Variants in MYO1G observed in about 807,000 individuals in gnomAD.
The protein encoded by MYO1G is myosin IG, also known as unconventional myosin-Ig.
MYO1G carries 65 observed loss-of-function variants against 115.3 expected under a neutral mutation model. The observed-to-expected ratio is 0.56, with a 90% CI of 0.46 to 0.69. The LOEUF (loss-of-function observed/expected upper bound fraction) is 0.69, where lower values mean the gene tolerates loss of function less well. MYO1G is among the 30% of genes least tolerant of loss of function. MYO1G has a pLI of 0.00. For synonymous variants in MYO1G, 510 were observed against 552.6 expected, an observed-to-expected ratio of 0.92 and a Z score of 1.08; for missense variants, 1,204 against 1,393.5, an observed-to-expected ratio of 0.86 and a Z score of 2.16.
Position 44,970,138 on chromosome 7 carries a change from T to G in MYO1G, c.1234A>C (p.Ile412Leu). Residue 412 changes from isoleucine (I) to leucine (L), a missense_variant, in exon 10 of 22, where the codon ATC becomes CTC. Coordinates refer to ENST00000258787, the MANE Select transcript of MYO1G (RefSeq NM_033054.3). ...FPVNSFEQFC[I>L]NYCNEKLQQL... ...TGCAGCTTCTCGTTGCAGTAGTTGA[T>G]GCAGAACTGCTCGAAACTGGGGGTG... is the stretch of plus-strand genomic sequence containing the variant. 4 of 1,613,752 alleles carry G rather than the reference T, an allele frequency of 2.5e-6. No homozygotes were observed. The highest frequency in any genetic ancestry group is 3.4e-6 in the Non-Finnish European group (4 of 1,179,804).
rs781571482 is a variant in MYO1G, at chr7:44,963,727, T to C, written c.2745+322A>G. ...CCACAGGAGGCCCAGAACATTGTGG[T>C]GGGTACTCAGGTCCCAGAATGCCCA... On this transcript the variant is annotated intron_variant, in intron 20 of 21. Transcript: ENST00000258787. This position sits in a 1 kb window ranked among gnomAD's most constrained non-coding sequence, Gnocchi z 4.1. 9 of 350,404 alleles carry C rather than the reference T, an allele frequency of 2.6e-5. No individual in the cohort carries two copies. Among genetic ancestry groups the C allele is most frequent in the Non-Finnish European group, 4.3e-5 (8 of 188,098 alleles). 21.7% of individuals were successfully genotyped at this position (350,404 alleles called of 1,614,324 possible).
rs2128700636 is a variant in MYO1G at position 44,962,753 on chromosome 7, A to G, written c.3043T>C (p.Trp1015Arg). 6.8e-7 allele frequency: 1 copy of G among 1,470,790 alleles called. No homozygotes were observed. Among genetic ancestry groups the G allele is most frequent in the South Asian group, 1.4e-5 (1 of 72,036 alleles). 91.1% of individuals were successfully genotyped at this position (1,470,790 alleles called of 1,614,324 possible). ...GGTGCGGGCGCTCAGCGGCTGGGCC[A>G]GAGCAGGGTGAAGGAGCCGCGAGCG... ...RCARGSFTLL[W>R]PSR Residue 1015 changes from tryptophan to arginine, a missense_variant, in exon 22 of 22, where the codon TGG becomes CGG. By Grantham distance (101) the Trp-to-Arg change is moderately radical. Coordinates refer to ENST00000258787, the MANE Select transcript of MYO1G (RefSeq NM_033054.3). The surrounding 1 kb of genome is among the most constrained non-coding windows in gnomAD (Gnocchi z 5.3).
At position 44,969,914 on chromosome 7, in the gene MYO1G, T is replaced by C. The variant is rs1298804391; in HGVS notation, c.1333-39A>G. ...AGCCAGCAAGGAAGCTCCCAAGGTC[T>C]TTCAGGCCACCTCCCCTCCTCCGCC... On this transcript the variant is annotated intron_variant, in intron 10 of 21. Transcript: ENST00000258787. This position sits in a 1 kb window ranked among gnomAD's most constrained non-coding sequence, Gnocchi z 5.0. The C allele has an allele frequency of 1.3e-6, 2 of 1,587,570 alleles. No homozygotes were observed. The highest frequency in any genetic ancestry group is 1.7e-6 in the Non-Finnish European group (2 of 1,165,600).
rs1264701312 is a variant in MYO1G, at chr7:44,976,551, C to A, written c.398+13G>T. The A allele has an allele frequency of 6.2e-7, 1 of 1,612,750 alleles. No individual in the cohort carries two copies. The highest frequency in any genetic ancestry group is 1.1e-5 in the South Asian group (1 of 91,056). On this transcript the variant is annotated intron_variant, in intron 3 of 21. Coordinates refer to ENST00000258787, the MANE Select transcript of MYO1G (RefSeq NM_033054.3). ...TGCCATGCTGAGGCCCAGAGCTGCC[C>A]ATTGCCACTCACCTCTCCACCTCAG... is the stretch of plus-strand genomic sequence containing the variant.
Position 44,963,245 on chromosome 7 carries a change from C to T in MYO1G, c.2746-121G>A. 4 of 1,232,022 alleles carry T rather than the reference C, an allele frequency of 3.2e-6. No individual in the cohort carries two copies. Among genetic ancestry groups the T allele is most frequent in the Non-Finnish European group, 4.3e-6 (4 of 940,178 alleles). 76.3% of individuals were successfully genotyped at this position (1,232,022 alleles called of 1,614,324 possible). On this transcript the variant is annotated intron_variant, in intron 20 of 21. Coordinates refer to ENST00000258787, the MANE Select transcript of MYO1G (RefSeq NM_033054.3). This position sits in a 1 kb window ranked among gnomAD's most constrained non-coding sequence, Gnocchi z 4.1. Reference sequence around the variant, plus strand: ...AACCGCACCCGGGGAGCGCCGCCCTCGCCAGGGCCACCAGCCCCCCACCGC... The same window carrying T: ...AACCGCACCCGGGGAGCGCCGCCCTTGCCAGGGCCACCAGCCCCCCACCGC...
rs552486478 is a variant in MYO1G at position 44,967,771 on chromosome 7, T to C, written c.1650-34A>G. The C allele has an allele frequency of 2.0e-5, 32 of 1,612,456 alleles. 1 individual carries two copies. In the East Asian group the frequency reaches 6.9e-4, roughly 35 times the overall value. On this transcript the variant is annotated intron_variant, in intron 13 of 21. Coordinates refer to ENST00000258787, the MANE Select transcript of MYO1G (RefSeq NM_033054.3). ...ACAGGCCGAATTCCCAGCCATCCTCTGGGAGAGCAGCCCCACCCACCCACG... is the reference window on the plus strand; with the variant it reads ...ACAGGCCGAATTCCCAGCCATCCTCCGGGAGAGCAGCCCCACCCACCCACG...
Position 44,976,894 on chromosome 7 carries a change from G to C in MYO1G, c.273C>G (p.His91Gln). Residue 91 changes from histidine (H) to glutamine (Q), a missense_variant, in exon 2 of 22, where the codon CAC (histidine) becomes CAG (glutamine). By Grantham distance (24) the His-to-Gln change is conservative (BLOSUM62 0). Transcript: ENST00000258787. ...TGACGATGCAGGTGTCCCTGGACCG[G>C]TGCTTCATTGCCTTGTAGGCGGCGT... ...VANAAYKAMK[H>Q]RSRDTCIVIS... is the part of the protein sequence containing the mutation. 6.2e-7 allele frequency: 1 copy of C among 1,613,530 alleles called. No homozygotes were observed. The highest frequency in any genetic ancestry group is 8.5e-7 in the Non-Finnish European group (1 of 1,180,030).
rs1345130239 is a variant in MYO1G, at chr7:44,975,587, T to C, written c.461A>G (p.Asn154Ser). ...AAAGCGGCTGGAGTTGTGATTGCGGTTGGTGCGGGCATTGCCAAAGGCCTC... is the reference window on the plus strand; with the variant it reads ...AAAGCGGCTGGAGTTGTGATTGCGGCTGGTGCGGGCATTGCCAAAGGCCTC... Reference protein sequence around the residue: ...VLEAFGNARTNRNHNSSRFGK... With the variant: ...VLEAFGNARTSRNHNSSRFGK... The change falls in exon 4 of 22, where the codon AAC (asparagine) becomes AGC (serine). Residue 154 changes from asparagine (N) to serine (S), a missense_variant. Transcript: ENST00000258787. The C allele has an allele frequency of 6.2e-7, 1 of 1,614,014 alleles. No individual in the cohort carries two copies.
chr7:44,965,041 G>C lies in MYO1G; in HGVS notation c.2430C>G (p.Pro810=), dbSNP rs778361161. 3 of 1,611,370 alleles carry C rather than the reference G, an allele frequency of 1.9e-6. No individual in the cohort carries two copies. In the East Asian group the frequency reaches 6.7e-5, roughly 36 times the overall value. ...LVKNIPPSDM[P]QIKAKVAAMG... ...TGGCGGCCACCTTGGCCTTGATCTG[G>C]GGCATGTCTGAAGGGGGGATGTTCT... is the stretch of plus-strand genomic sequence containing the variant. The change falls in exon 18 of 22, where the codon CCC becomes CCG. Residue 810 remains proline, a synonymous_variant. Coordinates refer to ENST00000258787, the MANE Select transcript of MYO1G (RefSeq NM_033054.3).
At position 44,970,717 on chromosome 7, in the gene MYO1G, A is replaced by T; in HGVS notation, c.1092T>A (p.Phe364Leu). Reference protein sequence around the residue: ...ACAKAVYQRLFEWVVNRINSV... With the variant: ...ACAKAVYQRLLEWVVNRINSV... ...TGTTGATCCTGTTCACCACCCACTC[A>T]AACAGCCGCTGGTACACTGCCTGGG... The change falls in exon 9 of 22, where the codon TTT (phenylalanine) becomes TTA (leucine). Residue 364 changes from phenylalanine (F) to leucine (L), a missense_variant. Physicochemically the swap from Phe to Leu is conservative, Grantham distance 22. Transcript: ENST00000258787. 6.2e-7 allele frequency: 1 copy of T among 1,613,858 alleles called. No individual in the cohort carries two copies. The highest frequency in any genetic ancestry group is 8.5e-7 in the Non-Finnish European group (1 of 1,179,996).
Position 44,969,951 on chromosome 7 carries a change from C to T in MYO1G, c.1333-76G>A. On this transcript the variant is annotated intron_variant, in intron 10 of 21. Coordinates refer to ENST00000258787, the MANE Select transcript of MYO1G (RefSeq NM_033054.3). This position sits in a 1 kb window ranked among gnomAD's most constrained non-coding sequence, Gnocchi z 5.0. ...TCCCCTCCTCCGCCCCACACTCAGC[C>T]ACCTGTCAGGCCAGCCCGGGCCCCT... 3.1e-6 allele frequency: 5 copies of T among 1,589,042 alleles called. No homozygotes were observed. Among genetic ancestry groups the T allele is most frequent in the Non-Finnish European group, 3.4e-6 (4 of 1,165,606 alleles).
At chr7:44,970,485 G>A (rs902725357) in intron 9 of MYO1G, 107 bp downstream of exon 9, 6 of 1,471,700 alleles carry the variant, frequency 4.1e-6, no homozygotes, top group African/African-American at 1.4e-5. Flanking sequence ...GACCAGCCGG[G>A]AGAAACCCCA....
chr7:44,962,928 C>T lies in MYO1G; in HGVS notation c.2901-33G>A. The T allele has an allele frequency of 6.7e-7, 1 of 1,500,820 alleles. No individual in the cohort carries two copies. Among genetic ancestry groups the T allele is most frequent in the Non-Finnish European group, 8.9e-7 (1 of 1,127,954 alleles). The allele number at this position is 1,500,820 out of a possible 1,614,324, so 93.0% of individuals were successfully genotyped here. Reference sequence around the variant, plus strand: ...AGGAGGAGGGGTCAGGGCGGCCACGCGGCCGGGGCTTCGTGCCCGCTACCG... The same window carrying T: ...AGGAGGAGGGGTCAGGGCGGCCACGTGGCCGGGGCTTCGTGCCCGCTACCG... On this transcript the variant is annotated intron_variant, in intron 21 of 21. Transcript: ENST00000258787. This position sits in a 1 kb window ranked among gnomAD's most constrained non-coding sequence, Gnocchi z 5.3.
At position 44,965,037 on chromosome 7, in the gene MYO1G, T is replaced by A; in HGVS notation, c.2434A>T (p.Ile812Phe). 1 of 1,611,544 alleles carries A rather than the reference T, an allele frequency of 6.2e-7. No homozygotes were observed. The highest frequency in any genetic ancestry group is 8.5e-7 in the Non-Finnish European group (1 of 1,178,620). The change falls in exon 18 of 22, where the codon ATC becomes TTC. Residue 812 changes from isoleucine to phenylalanine, a missense_variant. Ile to Phe is a conservative substitution (Grantham distance 21, BLOSUM62 0). Coordinates refer to ENST00000258787, the MANE Select transcript of MYO1G (RefSeq NM_033054.3). ...KNIPPSDMPQIKAKVAAMGAL... is the reference protein window; with the variant it reads ...KNIPPSDMPQFKAKVAAMGAL... ...CCCATGGCGGCCACCTTGGCCTTGA[T>A]CTGGGGCATGTCTGAAGGGGGGATG...
chr7:44,977,285 G>A (rs757568243), intron 1 of MYO1G, among the ~76,000 whole-genome samples: 1 of 152,324 alleles, frequency 6.6e-6, no homozygotes, highest in African/African-American at 2.4e-5. Context: ...TCTCCATTGC[G>A]GCATAGAGTT....
intron 12 of MYO1G, 69 bp from the exon 13 acceptor site, chr7:44,968,027 G>T: frequency 7.6e-7 from 1 of 1,311,782 alleles, no homozygotes; most frequent in Non-Finnish European, 1.1e-6. Context: ...AATGACCCCA[G>T]CAGCCCCCAC....
chr7:44,968,537 C>G (rs533784245), intron 12 of MYO1G: 1 of 150,688 alleles, frequency 6.6e-6, no homozygotes, highest in East Asian at 1.9e-4. Flanking sequence ...AATAGTCTCA[C>G]TCTCTTGCCC....
chr7:44,962,723 C>T lies in MYO1G; in HGVS notation c.*16G>A, dbSNP rs1379074094. On this transcript the variant is annotated 3_prime_UTR_variant, in exon 22 of 22. Coordinates refer to ENST00000258787, the MANE Select transcript of MYO1G (RefSeq NM_033054.3). The surrounding 1 kb of genome is among the most constrained non-coding windows in gnomAD (Gnocchi z 5.3). ...GCGGACAATTGGCGGCCTCGGGGTG[C>T]GGCGGGTGCGGGCGCTCAGCGGCTG... is the stretch of plus-strand genomic sequence containing the variant. 1.4e-6 allele frequency: 2 copies of T among 1,453,284 alleles called. No individual in the cohort carries two copies. Among genetic ancestry groups the T allele is most frequent in the Admixed American group, 2.6e-5 (1 of 38,924 alleles). The allele number at this position is 1,453,284 out of a possible 1,614,324, so 90.0% of individuals were successfully genotyped here.
intron 3 of MYO1G, 109 bp downstream of exon 3, chr7:44,976,455 T>G: frequency 2.9e-6 from 3 of 1,033,942 alleles, no homozygotes; most frequent in Non-Finnish European, 1.5e-6. Context: ...GAACTTGACC[T>G]GAGCTAGACT....
Sources: allele counts gnomAD v4.1 joint callset (sites outside exome capture counted in the v4.1 genomes callset), GRCh38; gene constraint gnomAD v4.1.1; non-coding constraint Gnocchi (gnomAD v3.1); transcripts MANE v1.5; gene names NCBI Gene and HGNC (gene_info 2026-07-23, HGNC 2026-07-21).